ANKRD36C: variants seen among roughly 807,000 people sequenced by gnomAD.
ANKRD36C encodes the protein ankyrin repeat domain 36C.
ANKRD36C carries 61 observed loss-of-function variants against 276.4 expected under a neutral mutation model. That is an observed-to-expected ratio of 0.22 (90% confidence interval 0.18 to 0.27). ANKRD36C has a LOEUF of 0.27. Ranked by LOEUF, ANKRD36C falls within the 10% of genes least tolerant of loss-of-function variation. The pLI is 1.00. For synonymous variants in ANKRD36C, 483 were observed against 680.1 expected, an observed-to-expected ratio of 0.71 and a Z score of 4.51; for missense variants, 1,447 against 2,032.3, an observed-to-expected ratio of 0.71 and a Z score of 5.54.
chr2:95,987,492 TA>T (rs1160373076), intron 1 of ANKRD36C, among the ~76,000 whole-genome samples: 14 of 151,582 alleles, frequency 9.2e-5, no homozygotes, highest in Non-Finnish European at 2.1e-4. Context: ...GAATAGTAGC[TA>T]GCCCACAGAA....
At chr2:95,865,197 A>C (rs1192085668) in intron 60 of ANKRD36C, among the ~76,000 whole-genome samples, 2 of 151,990 alleles carry the variant, frequency 1.3e-5, no homozygotes, top group Admixed American at 6.6e-5. Context: ...ACTACTGAGA[A>C]AATTAAATAT....
intron 32 of ANKRD36C, among the ~76,000 whole-genome samples, chr2:95,922,308 T>C (rs1677294668): frequency 6.6e-6 from 1 of 151,626 alleles, no homozygotes; most frequent in Non-Finnish European, 1.5e-5. Context: ...CATGTCTCTG[T>C]CTCTTCAGTG....
At chr2:95,890,076 T>G (rs1024435358) in intron 46 of ANKRD36C, 82 bp from the exon 67 acceptor site, 1 of 1,515,420 alleles carries the variant, frequency 6.6e-7, no homozygotes, top group African/African-American at 1.4e-5. Context: ...TTAGCATCAA[T>G]CTCTGTCCTC....
intron 6 of ANKRD36C, among the ~76,000 whole-genome samples, chr2:95,964,943 A>G (rs1466207595): frequency 2.0e-5 from 3 of 152,066 alleles, no homozygotes; most frequent in Admixed American, 6.6e-5. Context: ...AACATAACCT[A>G]TTTAAAAACT....
chr2:95,853,793 C>A (rs1371203629), exon 64 of ANKRD36C: 6 of 1,606,992 alleles, frequency 3.7e-6, no homozygotes, highest in Non-Finnish European at 5.1e-6. Flanking sequence ...AAGCATCCAG[C>A]AAAGCTTTTG....
chr2:95,972,140 T>C (rs1211219985), intron 6 of ANKRD36C, among the ~76,000 whole-genome samples: 2 of 152,178 alleles, frequency 1.3e-5, no homozygotes, highest in African/African-American at 2.4e-5. Context: ...CATGCAAAAC[T>C]GGCCCTTTGC....
At chr2:95,872,370 A>T (rs1378707569) in intron 59 of ANKRD36C, among the ~76,000 whole-genome samples, 2 of 151,652 alleles carry the variant, frequency 1.3e-5, no homozygotes, top group African/African-American at 4.8e-5. Context: ...ACTCACTCAA[A>T]ACCGCTCAAC....
chr2:95,927,989 T>G (rs1422726952), intron 26 of ANKRD36C, among the ~76,000 whole-genome samples: 2 of 151,682 alleles, frequency 1.3e-5, no homozygotes, highest in Non-Finnish European at 3.0e-5. Flanking sequence ...TGTGGTGTAA[T>G]AATTTGCCTA....
chr2:95,912,151 G>C, intron 42 of ANKRD36C, 93 bp downstream of exon 44: 1 of 1,484,460 alleles, frequency 6.7e-7, no homozygotes. Context: ...GAATCAGAAT[G>C]TGCAGCTTCG....
intron 6 of ANKRD36C, among the ~76,000 whole-genome samples, chr2:95,968,653 A>G (rs921366241): frequency 6.6e-6 from 1 of 152,176 alleles, no homozygotes; most frequent in Non-Finnish European, 1.5e-5. Context: ...ATCAATTCCT[A>G]TGGGTGCCCT....
At chr2:95,985,385 CT>C (rs759158390) in intron 3 of ANKRD36C, among the ~76,000 whole-genome samples, 1 of 152,178 alleles carries the variant, frequency 6.6e-6, no homozygotes, top group Non-Finnish European at 1.5e-5. Flanking sequence ...TTATATTACA[CT>C]TATCTATTCA....
Position 95,898,052 on chromosome 2 carries a change from T to A in ANKRD36C, c.2755+1093A>T, listed in dbSNP as rs1676607415. ...ATATTCATTATCTCTCTCAACCATA[T>A]GGTGTAATAATCTGCCTAAGTTTCT... On this transcript the variant is annotated intron_variant, in intron 44 of 66. Coordinates refer to ENST00000456556, the Ensembl canonical transcript of ANKRD36C. 1.3e-5 allele frequency among the ~76,000 whole-genome samples: 2 copies of A among 148,962 alleles called. 1 individual carries two copies.
downstream of ANKRD36C, among the ~76,000 whole-genome samples, chr2:95,850,858 A>G (rs185555840): frequency 4.8e-3 from 735 of 152,328 alleles, 5 homozygotes; most frequent in Non-Finnish European, 7.5e-3. Flanking sequence ...TTTTGTGAGA[A>G]CAGTTTCAGT....
intron 3 of ANKRD36C, among the ~76,000 whole-genome samples, chr2:95,984,158 T>C (rs1678979413): frequency 1.3e-5 from 2 of 151,778 alleles, no homozygotes; most frequent in South Asian, 4.2e-4. Flanking sequence ...TTTAAATAAA[T>C]ATAAAATGTC....
downstream of ANKRD36C, among the ~76,000 whole-genome samples, chr2:95,849,030 T>G (rs1675232050): frequency 1.3e-5 from 2 of 151,534 alleles, no homozygotes. Flanking sequence ...TTTTATTGTC[T>G]TTTAGATTTT....
intron 56 of ANKRD36C, among the ~76,000 whole-genome samples, chr2:95,881,603 T>C (rs1382152944): frequency 6.6e-6 from 1 of 152,136 alleles, no homozygotes; most frequent in Non-Finnish European, 1.5e-5. Context: ...ATAAAAAATA[T>C]ATGTGTGATG....
intron 1 of ANKRD36C, among the ~76,000 whole-genome samples, chr2:95,987,731 C>T (rs1679059887): frequency 6.6e-6 from 1 of 150,604 alleles, no homozygotes; most frequent in Non-Finnish European, 1.5e-5. Flanking sequence ...ACGACATTCT[C>T]CTGCCTCAGC....
intron 6 of ANKRD36C, among the ~76,000 whole-genome samples, chr2:95,969,790 T>G (rs1410132793): frequency 6.6e-6 from 1 of 152,198 alleles, no homozygotes; most frequent in Non-Finnish European, 1.5e-5. Flanking sequence ...CTATAGTACA[T>G]GATATTTTGT....
intron 48 of ANKRD36C, among the ~76,000 whole-genome samples, chr2:95,888,663 G>A (rs532767436): frequency 7.9e-5 from 12 of 151,806 alleles, no homozygotes; most frequent in African/African-American, 2.2e-4. Context: ...TATGTTTGCT[G>A]AAACCTAGTA....
Sources: gnomAD v4.1 joint callset for allele counts (sites outside exome capture counted in the v4.1 genomes callset) on GRCh38, gnomAD v4.1.1 for gene constraint, MANE v1.5 for transcripts, NCBI Gene and HGNC (gene_info 2026-07-23, HGNC 2026-07-21) for gene names.